Variants in FER1L6 observed in about 807,000 individuals in gnomAD.
FER1L6 encodes the protein fer-1 like family member 6, also known as fer-1-like protein 6.
In FER1L6, 177 loss-of-function variants were observed where a neutral mutation model predicts 219.2. The observed-to-expected ratio is 0.81, with a 90% CI of 0.71 to 0.91. The LOEUF is 0.91. Ranked by LOEUF, FER1L6 falls within the 40% of genes least tolerant of loss-of-function variation. The probability of loss-of-function intolerance (pLI) is 0.00; values close to 1 mark genes in which losing one functional copy is unlikely to be tolerated. For synonymous variants in FER1L6, 768 were observed against 824.3 expected (o/e 0.93, Z 1.17); for missense variants, 2,153 against 2,259.9 (o/e 0.95, Z 0.96).
intron 1 of FER1L6, among the ~76,000 whole-genome samples, chr8:123,919,799 C>T (rs1563685484): frequency 6.6e-6 from 1 of 152,134 alleles, no homozygotes; most frequent in Non-Finnish European, 1.5e-5. Flanking sequence ...TCATAGGTAC[C>T]CGGAGCTCCC....
At chr8:124,034,159 AAAGAAG>A (rs537566374) in intron 18 of FER1L6, among the ~76,000 whole-genome samples, 1 of 150,242 alleles carries the variant, frequency 6.7e-6, no homozygotes, top group African/African-American at 2.5e-5. Flanking sequence ...TAAAAAAAAA[AAAGAAG>A]AAGAAGAAGA....
chr8:124,119,816 G>T lies in FER1L6; in HGVS notation c.*26G>T, dbSNP rs527535347. 2 of 1,607,460 alleles carry T rather than the reference G, an allele frequency of 1.2e-6. No homozygotes were observed. Among genetic ancestry groups the T allele is most frequent in the Admixed American group, 3.4e-5 (2 of 59,512 alleles). On this transcript the variant is annotated 3_prime_UTR_variant, in exon 41 of 41. Transcript: ENST00000522917. ...AGGATCATGGAGGACCCAGATCCTC[G>T]CCATATACTAATCCTCTCTTCCTTA...
At chr8:123,929,675 C>A (rs1279036519) in intron 1 of FER1L6, among the ~76,000 whole-genome samples, 1 of 152,148 alleles carries the variant, frequency 6.6e-6, no homozygotes, top group Non-Finnish European at 1.5e-5. Flanking sequence ...GTATTGAGGG[C>A]TGCCCTTGAT....
intron 37 of FER1L6, among the ~76,000 whole-genome samples, chr8:124,100,808 C>T (rs1002376406): frequency 6.6e-6 from 1 of 152,038 alleles, no homozygotes; most frequent in African/African-American, 2.4e-5. Flanking sequence ...TTTTCACTTC[C>T]TATTTCCTGA....
intron 10 of FER1L6, among the ~76,000 whole-genome samples, chr8:123,978,844 T>C (rs1012501871): frequency 1.3e-5 from 2 of 152,208 alleles, no homozygotes; most frequent in Non-Finnish European, 2.9e-5. Context: ...TGTCTAAATC[T>C]TTACATTATG....
chr8:124,072,251 A>G (rs1373713635), intron 31 of FER1L6, among the ~76,000 whole-genome samples: 1 of 152,228 alleles, frequency 6.6e-6, no homozygotes, highest in African/African-American at 2.4e-5. Flanking sequence ...ATGCCTCTGC[A>G]CTATTGCAGT....
rs1457363559 is a variant in FER1L6 at position 123,853,371 on chromosome 8, T to A, written c.-8+1186T>A. Among the ~76,000 whole-genome samples the A allele has an allele frequency of 6.6e-6, 1 of 152,064 alleles. No individual in the cohort carries two copies. The highest frequency in any genetic ancestry group is 1.9e-4 in the East Asian group (1 of 5,176). ...GGTTTCACCATGACGGCCAGGATGG[T>A]CTCAAACTTCTGACCTCAAACGATC... is the stretch of plus-strand genomic sequence containing the variant. On this transcript the variant is annotated intron_variant, in intron 1 of 40. Transcript: ENST00000522917. The surrounding 1 kb of genome is among the most constrained non-coding windows in gnomAD (Gnocchi z 6.6).
At chr8:124,058,353 A>G (rs1195653783) in intron 22 of FER1L6, among the ~76,000 whole-genome samples, 1 of 152,182 alleles carries the variant, frequency 6.6e-6, no homozygotes, top group Non-Finnish European at 1.5e-5. Flanking sequence ...TGGCTTTCAG[A>G]CCAACTACCC....
chr8:123,942,194 C>A (rs1046374399), intron 1 of FER1L6, among the ~76,000 whole-genome samples: 1 of 152,152 alleles, frequency 6.6e-6, no homozygotes, highest in Non-Finnish European at 1.5e-5. Context: ...GCAGAACCTT[C>A]TCCCCAACCC....
intron 1 of FER1L6, among the ~76,000 whole-genome samples, chr8:123,916,874 G>A (rs747838228): frequency 2.0e-5 from 3 of 152,112 alleles, no homozygotes; most frequent in Non-Finnish European, 4.4e-5. Context: ...GTAGCACCAC[G>A]GCTGGGGCAC....
intron 1 of FER1L6, among the ~76,000 whole-genome samples, chr8:123,920,941 C>A (rs1486108604): frequency 6.6e-6 from 1 of 152,184 alleles, no homozygotes; most frequent in Non-Finnish European, 1.5e-5. Flanking sequence ...TAAGTGGAAT[C>A]AAATACTATT....
At chr8:124,009,081 G>A (rs549671059) in intron 13 of FER1L6, among the ~76,000 whole-genome samples, 1 of 151,970 alleles carries the variant, frequency 6.6e-6, no homozygotes, top group South Asian at 2.1e-4. Context: ...CTACACTGCT[G>A]TTGGGAATGT....
chr8:124,075,034 TG>T (rs1378085537), intron 31 of FER1L6, among the ~76,000 whole-genome samples: 2 of 152,200 alleles, frequency 1.3e-5, no homozygotes, highest in African/African-American at 4.8e-5. Flanking sequence ...GGTGAGTGAA[TG>T]TGAAGGCCTA....
chr8:124,097,688 G>C, intron 36 of FER1L6, 97 bp from the exon 37 acceptor site: 1 of 729,884 alleles, frequency 1.4e-6, no homozygotes, highest in Non-Finnish European at 2.4e-6. Flanking sequence ...GCAAACTTTA[G>C]GAAACTTATA....
intron 1 of FER1L6, among the ~76,000 whole-genome samples, chr8:123,919,395 G>A (rs1396892150): frequency 6.6e-6 from 1 of 152,246 alleles, no homozygotes; most frequent in Non-Finnish European, 1.5e-5. Flanking sequence ...GGAGGCATAT[G>A]ATAAAGGTCA....
chr8:123,981,807 A>G (rs1014725748), intron 11 of FER1L6, among the ~76,000 whole-genome samples: 2 of 152,210 alleles, frequency 1.3e-5, no homozygotes, highest in African/African-American at 4.8e-5. Flanking sequence ...ACAAAATGAA[A>G]TAGTTAATAA....
Position 123,884,179 on chromosome 8 carries a change from C to T in FER1L6, c.-8+31994C>T, listed in dbSNP as rs376196320. 2.5e-4 allele frequency among the ~76,000 whole-genome samples: 38 copies of T among 152,342 alleles called. No homozygotes were observed. In the East Asian group the frequency reaches 3.1e-3, roughly 12 times the overall value. On this transcript the variant is annotated intron_variant, in intron 1 of 40. Coordinates refer to ENST00000522917, the MANE Select transcript of FER1L6 (RefSeq NM_001039112.2). ...GCCTAGGTGCCATTCACAAAGAACA[C>T]CATGTGTGTGCTGCCCCAGAGTTGA...
chr8:123,954,556 G>A (rs1218222216), intron 1 of FER1L6, among the ~76,000 whole-genome samples: 3 of 152,122 alleles, frequency 2.0e-5, no homozygotes, highest in Non-Finnish European at 2.9e-5. Context: ...CTACCCTTAG[G>A]ACAATAAGAA....
At chr8:123,934,138 T>C (rs980440907) in intron 1 of FER1L6, among the ~76,000 whole-genome samples, 3 of 152,194 alleles carry the variant, frequency 2.0e-5, no homozygotes, top group African/African-American at 4.8e-5. Flanking sequence ...TGAGACCAAG[T>C]CTCACTCTGT....
Sources: gnomAD v4.1 joint callset for allele counts (sites outside exome capture counted in the v4.1 genomes callset) on GRCh38, gnomAD v4.1.1 for gene constraint, Gnocchi (gnomAD v3.1) non-coding constraint, MANE v1.5 for transcripts, NCBI Gene and HGNC (gene_info 2026-07-23, HGNC 2026-07-21) for gene names.